AMOT: variants seen among roughly 807,000 people sequenced by gnomAD.
AMOT encodes the protein angiomotin.
A neutral mutation model predicts 67.0 loss-of-function variants in AMOT; 11 were observed. That is an observed-to-expected ratio of 0.16 (90% CI 0.10 to 0.27). The LOEUF (loss-of-function observed/expected upper bound fraction) is 0.27, where lower values mean the gene tolerates loss of function less well. Among genes scored for constraint, AMOT ranks in the 10% least tolerant of loss-of-function variants. The pLI, the probability that AMOT is intolerant of heterozygous loss-of-function variation, is 1.00. For missense variants in AMOT, 753 were observed against 852.0 expected (o/e 0.88, Z 1.45); for synonymous variants, 326 against 321.4 (o/e 1.01, Z -0.15).
intron 8 of AMOT, among the ~76,000 whole-genome samples, chrX:112,799,539 T>G (rs1422956020): frequency 8.9e-6 from 1 of 111,968 alleles, no homozygotes; most frequent in Non-Finnish European, 1.9e-5. Flanking sequence ...TACCACTGGT[T>G]ATATGTTGCT....
intron 8 of AMOT, among the ~76,000 whole-genome samples, chrX:112,802,679 T>C (rs1934052779): frequency 8.9e-6 from 1 of 112,427 alleles, no homozygotes; most frequent in Non-Finnish European, 1.9e-5. Context: ...ATGACCTCAT[T>C]TGAAATAAAT....
intron 8 of AMOT, among the ~76,000 whole-genome samples, chrX:112,795,052 A>T (rs1367071563): frequency 1.8e-5 from 2 of 111,945 alleles, no homozygotes; most frequent in Non-Finnish European, 3.8e-5. Flanking sequence ...ATACAGTTAG[A>T]AGCAACCACT....
chrX:112,814,141 A>G (rs1934460495), intron 5 of AMOT, among the ~76,000 whole-genome samples: 2 of 110,754 alleles, frequency 1.8e-5, no homozygotes, highest in Non-Finnish European at 3.8e-5. Flanking sequence ...GCGTGGTGAC[A>G]CATGCCTGTA....
In AMOT at chrX:112,776,409, T is replaced by TA. The variant is rs2147770555; in HGVS notation, c.*2157dup. On this transcript the variant is annotated 3_prime_UTR_variant, in exon 14 of 14. Transcript: ENST00000371959. ...TTTTTTTCTCCTTATGACTAAAGGG[T>TA]AGTATGAAAGAGTCTTAACACAACT... 8.9e-6 allele frequency: 1 copy of TA among 112,132 alleles called. No individual in the cohort carries two copies. The highest frequency in any genetic ancestry group is 2.8e-4 in the East Asian group (1 of 3,589). 9.2% of individuals were successfully genotyped at this position (112,132 alleles called of 1,213,427 possible).
At position 112,815,592 on chromosome X, in the gene AMOT, A is replaced by ATGG. The variant is rs1200601485; in HGVS notation, c.1155_1157dup (p.His391dup). 5.0e-6 allele frequency: 6 copies of ATGG among 1,209,299 alleles called. No homozygotes were observed. The highest frequency in any genetic ancestry group is 6.7e-6 in the Non-Finnish European group (6 of 894,180). ...GCTGTTGTTGGTGGTGATGGTGATG[A>ATGG]TGGTGCTGCTGCTGCTGTTGCTGCT... On this transcript the variant is annotated inframe_insertion, in exon 5 of 14. Coordinates refer to ENST00000371959, the MANE Select transcript of AMOT (RefSeq NM_001113490.2).
intron 12 of AMOT, 142 bp from the exon 13 acceptor site, chrX:112,779,822 T>C (rs1933080256): frequency 3.8e-6 from 1 of 261,460 alleles, no homozygotes; most frequent in Non-Finnish European, 6.2e-6. Context: ...TTTAAAATAT[T>C]ATTATTTTTA....
chrX:112,813,177 C>T (rs1175106115), intron 5 of AMOT, among the ~76,000 whole-genome samples: 1 of 112,224 alleles, frequency 8.9e-6, no homozygotes, highest in East Asian at 2.8e-4. Flanking sequence ...GGTGTGCAGA[C>T]TGCTATTTCA....
chrX:112,837,361 C>T (rs1187316575), intron 1 of AMOT, among the ~76,000 whole-genome samples: 1 of 112,012 alleles, frequency 8.9e-6, no homozygotes, highest in African/African-American at 3.2e-5. Flanking sequence ...AATAAATATG[C>T]TTCCGAGAAG....
intron 10 of AMOT, among the ~76,000 whole-genome samples, chrX:112,788,815 C>T (rs1933469324): frequency 8.9e-6 from 1 of 112,255 alleles, no homozygotes; most frequent in Admixed American, 9.4e-5. Flanking sequence ...TAGGCATGCA[C>T]ATTTTGCCAA....
chrX:112,809,722 G>C (rs188460819), intron 7 of AMOT, among the ~76,000 whole-genome samples, 172 bp downstream of exon 7: 1 of 111,052 alleles, frequency 9.0e-6, no homozygotes, highest in African/African-American at 3.3e-5. Flanking sequence ...TCTTGGCTTA[G>C]GAGGAAAAGA....
chrX:112,811,088 T>C (rs192329419), intron 6 of AMOT, among the ~76,000 whole-genome samples, 161 bp downstream of exon 6: 1 of 111,858 alleles, frequency 8.9e-6, no homozygotes, highest in Admixed American at 9.4e-5. Context: ...TGAGGACTAT[T>C]GCAGTCACAA....
At chrX:112,792,959 C>CTCTTTAAAGAAGATATATATCTTCT (rs762412251) in intron 8 of AMOT, among the ~76,000 whole-genome samples, 1,529 of 105,440 alleles carry the variant, frequency 0.015, 62 homozygotes, top group East Asian at 0.047. Flanking sequence ...GATCTCAGAG[C>CTCTTTAAAGAAGATATATATCTTCT]TCTTTAAAGA....
chrX:112,830,034 C>T lies in AMOT; in HGVS notation c.-212+2260G>A, dbSNP rs184644128. ...GCTGCCTGCTTGACCAATCTTTAAC[C>T]GCCAATGCCAGACCACCCATTTTCA... On this transcript the variant is annotated intron_variant, in intron 2 of 13. Coordinates refer to ENST00000371959, the MANE Select transcript of AMOT (RefSeq NM_001113490.2). Among the ~76,000 whole-genome samples the T allele has an allele frequency of 1.3e-4, 14 of 111,851 alleles. No individual in the cohort carries two copies. The East Asian group carries it at 2.2e-3, about 18-fold the overall frequency.
intron 8 of AMOT, among the ~76,000 whole-genome samples, chrX:112,804,615 T>A (rs763075982): frequency 2.2e-4 from 25 of 111,990 alleles, no homozygotes; most frequent in African/African-American, 8.1e-4. Context: ...TCCATATATA[T>A]ATTTATATAT....
chrX:112,795,001 T>C (rs1169119688), intron 8 of AMOT, among the ~76,000 whole-genome samples: 4 of 111,499 alleles, frequency 3.6e-5, no homozygotes, highest in African/African-American at 1.3e-4. Flanking sequence ...TCAAACACTT[T>C]ATGCTGTAGA....
rs752098156 is a variant in AMOT at position 112,779,450 on chromosome X, TGGCAGCAGTGGCAGTGATGGC to T, written c.2683_2703del (p.Ala895_Ala901del). On this transcript the variant is annotated inframe_deletion, in exon 13 of 14. Coordinates refer to ENST00000371959, the MANE Select transcript of AMOT (RefSeq NM_001113490.2). Reference sequence around the variant, plus strand: ...GCAGCTACCATGGTGGTGGTGATGGTGGCAGCAGTGGCAGTGATGGCGGCAGCAGTGGCGGCAGCAGCAACT... The same window carrying T: ...GCAGCTACCATGGTGGTGGTGATGGTGGCAGCAGTGGCGGCAGCAGCAACT... 138 of 1,193,612 alleles carry T rather than the reference TGGCAGCAGTGGCAGTGATGGC, an allele frequency of 1.2e-4. 3 individuals are homozygous for T. Among genetic ancestry groups the T allele is most frequent in the East Asian group, 5.7e-4 (19 of 33,104 alleles).
At position 112,780,363 on chromosome X, in the gene AMOT, G is replaced by C. The variant is rs762637328; in HGVS notation, c.2473+523C>G. ...CACAATATGTCTGGGGTTTTGATTAGAGGGGAGGGAATGGACAGGAACGGA... is the reference window on the plus strand; with the variant it reads ...CACAATATGTCTGGGGTTTTGATTACAGGGGAGGGAATGGACAGGAACGGA... On this transcript the variant is annotated intron_variant, in intron 12 of 13. Coordinates refer to ENST00000371959, the MANE Select transcript of AMOT (RefSeq NM_001113490.2). 9 of 115,455 alleles carry C rather than the reference G, an allele frequency of 7.8e-5. No homozygotes were observed. In the South Asian group the frequency reaches 3.3e-3, roughly 42 times the overall value. The allele number at this position is 115,455 out of a possible 1,213,427, so 9.5% of individuals were successfully genotyped here. A position where few individuals can be genotyped will look rare whatever the true frequency, so the allele number is the denominator to read the frequency against.
intron 1 of AMOT, among the ~76,000 whole-genome samples, chrX:112,835,988 AC>A (rs1391611496): frequency 8.9e-6 from 1 of 111,889 alleles, no homozygotes; most frequent in Non-Finnish European, 1.9e-5. Flanking sequence ...CAGATGAAGA[AC>A]CCATTATGTG....
intron 4 of AMOT, 110 bp from the exon 5 acceptor site, chrX:112,815,987 A>G (rs768472777): frequency 9.7e-7 from 1 of 1,027,898 alleles, no homozygotes; most frequent in Non-Finnish European, 1.3e-6. Context: ...GGACACCTGC[A>G]AAATGAAGAG....
Sources: gnomAD v4.1 joint callset for allele counts (sites outside exome capture counted in the v4.1 genomes callset) on GRCh38, gnomAD v4.1.1 for gene constraint, MANE v1.5 for transcripts, NCBI Gene and HGNC (gene_info 2026-07-23, HGNC 2026-07-21) for gene names.